The following ITGA9 variants were observed in gnomAD, a reference collection of about 807,000 sequenced individuals.
ITGA9 encodes the protein integrin alpha-9.
A neutral mutation model predicts 127.8 loss-of-function variants in ITGA9; 56 were observed. The ratio of observed to expected loss-of-function variants is 0.44; its 90% CI spans 0.35 to 0.55. The LOEUF is 0.55. Among genes scored for constraint, ITGA9 ranks in the 20% least tolerant of loss-of-function variants. The pLI, the probability that ITGA9 is intolerant of heterozygous loss-of-function variation, is 0.00. For missense variants in ITGA9, 1,196 were observed against 1,347.1 expected (o/e 0.89, Z 1.76); for synonymous variants, 508 against 514.5 (o/e 0.99, Z 0.17).
intron 23 of ITGA9, among the ~76,000 whole-genome samples, chr3:37,775,735 A>G (rs1696899197): frequency 4.6e-5 from 7 of 152,174 alleles, no homozygotes; most frequent in Admixed American, 4.6e-4. Flanking sequence ...TGGTGGGAGT[A>G]TAAATGTGCT....
At chr3:37,652,918 AC>A (rs1330835892) in intron 16 of ITGA9, among the ~76,000 whole-genome samples, 4 of 152,166 alleles carry the variant, frequency 2.6e-5, no homozygotes, top group Admixed American at 6.5e-5. Context: ...CCCTCCATGG[AC>A]CGTAGAAGAA....
chr3:37,513,633 GT>G, intron 8 of ITGA9, 129 bp from the exon 9 acceptor site: 3 of 1,026,148 alleles, frequency 2.9e-6, no homozygotes, highest in Non-Finnish European at 4.4e-6. Flanking sequence ...TCCCCTTCCT[GT>G]GTCCATGTGT....
At chr3:37,652,248 C>T (rs1018284162) in intron 16 of ITGA9, among the ~76,000 whole-genome samples, 9 of 152,152 alleles carry the variant, frequency 5.9e-5, no homozygotes, top group East Asian at 3.9e-4. Context: ...CCTTTGGCAC[C>T]TTCCCTCTGT....
chr3:37,654,293 C>A (rs11919890), intron 17 of ITGA9, among the ~76,000 whole-genome samples: 7 of 151,966 alleles, frequency 4.6e-5, no homozygotes, highest in African/African-American at 1.7e-4. Context: ...GAGGGGCAGG[C>A]TGCCCTGATC....
At chr3:37,711,534 G>A (rs1008807174) in intron 18 of ITGA9, among the ~76,000 whole-genome samples, 1 of 152,164 alleles carries the variant, frequency 6.6e-6, no homozygotes, top group African/African-American at 2.4e-5. Context: ...CTCTGGAGTA[G>A]CTGGGACTAT....
rs1700943387 is a variant in ITGA9 at position 37,701,347 on chromosome 3, AGTTT to A, written c.2067+17338_2067+17341del. ...AAGAATTCAAGTGTAAAGTACCTGT[AGTTT>A]GTTTGGGAGGTGAAGATAGGGGGAT... On this transcript the variant is annotated intron_variant, in intron 18 of 27. Transcript: ENST00000264741. Among the ~76,000 whole-genome samples the A allele has an allele frequency of 2.0e-5, 3 of 152,302 alleles. No homozygotes were observed. In the South Asian group the frequency reaches 6.2e-4, roughly 32 times the overall value.
At chr3:37,718,495 A>G (rs975627141) in intron 18 of ITGA9, among the ~76,000 whole-genome samples, 4 of 152,304 alleles carry the variant, frequency 2.6e-5, no homozygotes, top group Non-Finnish European at 4.4e-5. Context: ...CACATACTCT[A>G]GGTCTCAATC....
intron 15 of ITGA9, among the ~76,000 whole-genome samples, chr3:37,552,161 C>T (rs1171135851): frequency 1.3e-5 from 2 of 152,198 alleles, no homozygotes; most frequent in East Asian, 1.9e-4. Context: ...GGCAGTGACG[C>T]GTCGGTGCAG....
At chr3:37,460,625 T>A (rs1051920381) in intron 1 of ITGA9, among the ~76,000 whole-genome samples, 30 of 147,764 alleles carry the variant, frequency 2.0e-4, no homozygotes, top group Admixed American at 4.1e-4. Context: ...AGTCTTGCTC[T>A]GTCACCCAGG....
intron 20 of ITGA9, among the ~76,000 whole-genome samples, chr3:37,739,030 A>G (rs1157357434): frequency 2.0e-5 from 3 of 152,324 alleles, no homozygotes; most frequent in Admixed American, 6.5e-5. Context: ...GACCTGGGCA[A>G]TGGAGTTTTC....
intron 5 of ITGA9, among the ~76,000 whole-genome samples, chr3:37,502,467 G>C (rs542359160): frequency 6.6e-6 from 1 of 151,978 alleles, no homozygotes; most frequent in East Asian, 1.9e-4. Context: ...CACCCGCCTC[G>C]GCCTCCCAAA....
chr3:37,491,166 G>T (rs993029819), intron 4 of ITGA9, among the ~76,000 whole-genome samples: 9 of 151,872 alleles, frequency 5.9e-5, no homozygotes, highest in African/African-American at 2.2e-4. Flanking sequence ...TGTAGAGATG[G>T]GGGTCTCACT....
intron 18 of ITGA9, among the ~76,000 whole-genome samples, chr3:37,686,402 T>A (rs181058387): frequency 2.6e-5 from 4 of 152,152 alleles, no homozygotes; most frequent in African/African-American, 9.7e-5. Context: ...GGGGACAGCA[T>A]CATTTTCTAC....
rs190650722 is a variant in ITGA9, at chr3:37,505,683, G to A, written c.743-317G>A. On this transcript the variant is annotated intron_variant, in intron 6 of 27. Coordinates refer to ENST00000264741, the MANE Select transcript of ITGA9 (RefSeq NM_002207.3). Reference sequence around the variant, plus strand: ...TGTGTGCATTCATTGAGTTTTACACGTCAGATATATGACCTTACCGTATGA... The same window carrying A: ...TGTGTGCATTCATTGAGTTTTACACATCAGATATATGACCTTACCGTATGA... Among the ~76,000 whole-genome samples, 34 of 152,290 alleles carry A rather than the reference G, an allele frequency of 2.2e-4. No individual in the cohort carries two copies. In the East Asian group the frequency reaches 3.9e-3, roughly 17 times the overall value.
intron 13 of ITGA9, among the ~76,000 whole-genome samples, chr3:37,528,139 C>G (rs926781620): frequency 6.6e-6 from 1 of 152,186 alleles, no homozygotes; most frequent in Non-Finnish European, 1.5e-5. Context: ...CATATAGACT[C>G]TGCTTTCTCA....
intron 11 of ITGA9, among the ~76,000 whole-genome samples, chr3:37,520,185 A>G (rs1463910715): frequency 6.6e-6 from 1 of 152,160 alleles, no homozygotes; most frequent in Non-Finnish European, 1.5e-5. Context: ...ATAGAGATAA[A>G]CTAGTTAAGG....
intron 4 of ITGA9, among the ~76,000 whole-genome samples, chr3:37,493,729 T>G (rs1046722972): frequency 7.2e-5 from 11 of 152,350 alleles, no homozygotes; most frequent in African/African-American, 2.6e-4. Flanking sequence ...AGTGGGGATA[T>G]GGGTTCCCAG....
At chr3:37,694,584 G>A (rs1230158299) in intron 18 of ITGA9, among the ~76,000 whole-genome samples, 3 of 152,240 alleles carry the variant, frequency 2.0e-5, no homozygotes, top group African/African-American at 4.8e-5. Flanking sequence ...TTTTGCTTTA[G>A]AAATGTCAAC....
At chr3:37,737,040 A>ACATCCTTTCCT in intron 20 of ITGA9, 57 bp downstream of exon 20, 1 of 1,115,744 alleles carries the variant, frequency 9.0e-7, no homozygotes, top group Non-Finnish European at 1.4e-6. Context: ...GGACCAGGAA[A>ACATCCTTTCCT]GGATGTGTCC....
Sources: gnomAD v4.1 joint callset for allele counts (sites outside exome capture counted in the v4.1 genomes callset) on GRCh38, gnomAD v4.1.1 for gene constraint, MANE v1.5 for transcripts, NCBI Gene and HGNC (gene_info 2026-07-23, HGNC 2026-07-21) for gene names.